RGS6: variants seen among roughly 807,000 people sequenced by gnomAD.
RGS6 encodes regulator of G protein signaling 6, also known as regulator of G-protein signaling 6.
In RGS6, 30 loss-of-function variants were observed where a neutral mutation model predicts 78.5. The observed-to-expected ratio is 0.38, with a 90% confidence interval of 0.29 to 0.52. The LOEUF (loss-of-function observed/expected upper bound fraction) is 0.52, where lower values mean the gene tolerates loss of function less well. RGS6 is among the 20% of genes least tolerant of loss of function. The pLI, the probability that RGS6 is intolerant of heterozygous loss-of-function variation, is 0.85. For synonymous variants in RGS6, 206 were observed against 206.0 expected, an observed-to-expected ratio of 1.00 and a Z score of 0.00; for missense variants, 495 against 609.7, an observed-to-expected ratio of 0.81 and a Z score of 1.98.
intron 13 of RGS6, 55 bp from the exon 14 acceptor site, chr14:72,510,099 C>T: frequency 2.0e-6 from 3 of 1,524,136 alleles, no homozygotes; most frequent in Non-Finnish European, 2.6e-6. Flanking sequence ...GAGAATATGA[C>T]ACGAGCTTTT....
At chr14:72,166,093 G>GACACACACACAC (rs3055029) in intron 2 of RGS6, among the ~76,000 whole-genome samples, 1 of 107,694 alleles carries the variant, frequency 9.3e-6, no homozygotes. Context: ...CCATTTTTGA[G>GACACACACACAC]ACACACACAC....
downstream of RGS6, among the ~76,000 whole-genome samples, chr14:72,568,418 G>A (rs757482666): frequency 1.3e-5 from 2 of 152,144 alleles, no homozygotes; most frequent in South Asian, 2.1e-4. Context: ...CCTGCCAGAC[G>A]GACAACTTCC....
Position 71,979,666 on chromosome 14 carries a change from A to G in RGS6, c.84+14791A>G, listed in dbSNP as rs916112038. Reference sequence around the variant, plus strand: ...ATTTCTGTTCTTTTACATTTGCTGAAGAGAGCTTTACTTCCAAGTATGTGG... The same window carrying G: ...ATTTCTGTTCTTTTACATTTGCTGAGGAGAGCTTTACTTCCAAGTATGTGG... On this transcript the variant is annotated intron_variant, in intron 2 of 17. Coordinates refer to ENST00000553525, the MANE Select transcript of RGS6 (RefSeq NM_001204424.2). Among the ~76,000 whole-genome samples, 8 of 152,258 alleles carry G rather than the reference A, an allele frequency of 5.3e-5. No individual in the cohort carries two copies. In the South Asian group the frequency reaches 8.3e-4, roughly 16 times the overall value.
chr14:72,083,808 A>G (rs2094919798), intron 2 of RGS6, among the ~76,000 whole-genome samples: 1 of 152,184 alleles, frequency 6.6e-6, no homozygotes, highest in Non-Finnish European at 1.5e-5. Context: ...CTGGCAGCCA[A>G]AAGAAATGTT....
intron 3 of RGS6, among the ~76,000 whole-genome samples, chr14:72,436,239 T>C (rs2094908003): frequency 1.3e-5 from 2 of 151,828 alleles, no homozygotes; most frequent in Admixed American, 6.6e-5. Context: ...ACTTCTATCT[T>C]GTTTAAGCTA....
At chr14:72,077,559 T>G (rs1315929996) in intron 2 of RGS6, among the ~76,000 whole-genome samples, 1 of 152,204 alleles carries the variant, frequency 6.6e-6, no homozygotes, top group Non-Finnish European at 1.5e-5. Flanking sequence ...TCACTTTTAA[T>G]ATTTACTAAA....
chr14:72,274,830 C>T (rs1191394672), intron 2 of RGS6, among the ~76,000 whole-genome samples: 1 of 152,236 alleles, frequency 6.6e-6, no homozygotes, highest in Non-Finnish European at 1.5e-5. Flanking sequence ...CCGAGGACTT[C>T]TGACCTCCAA....
At chr14:72,201,086 GT>G (rs950786966) in intron 2 of RGS6, among the ~76,000 whole-genome samples, 39 of 152,278 alleles carry the variant, frequency 2.6e-4, no homozygotes, top group African/African-American at 8.4e-4. Context: ...GTCAGCCACA[GT>G]GAGCTTTCTC....
At chr14:72,473,740 C>T (rs2096156426) in intron 9 of RGS6, 1 of 152,212 alleles carries the variant, frequency 6.6e-6, no homozygotes, top group Non-Finnish European at 1.5e-5. Context: ...GTGGCCACAA[C>T]ATTTTTATCA....
At chr14:72,461,440 G>A (rs2095779251) in intron 6 of RGS6, among the ~76,000 whole-genome samples, 1 of 152,166 alleles carries the variant, frequency 6.6e-6, no homozygotes, top group Non-Finnish European at 1.5e-5. Context: ...ATAATAGTTT[G>A]TTTCAGGCTC....
At chr14:72,298,432 T>C (rs1344110166) in intron 2 of RGS6, among the ~76,000 whole-genome samples, 2 of 68,282 alleles carry the variant, frequency 2.9e-5, no homozygotes, top group South Asian at 4.7e-4. Context: ...ATTAATGTTC[T>C]TTTTTTTTTT....
the RGS6 span, among the ~76,000 whole-genome samples, chr14:71,914,038 G>A: frequency 6.6e-6 from 1 of 152,174 alleles, no homozygotes; most frequent in Non-Finnish European, 1.5e-5. Flanking sequence ...GTACAGGGAA[G>A]TTTATTACGT....
At chr14:72,103,339 G>A (rs183682875) in intron 2 of RGS6, among the ~76,000 whole-genome samples, 7 of 152,224 alleles carry the variant, frequency 4.6e-5, no homozygotes, top group Admixed American at 3.3e-4. Context: ...AAAACCCTCA[G>A]CCCCTTGAAA....
intron 2 of RGS6, among the ~76,000 whole-genome samples, 181 bp downstream of exon 2, chr14:71,965,056 G>A (rs1161788887): frequency 1.3e-5 from 2 of 152,190 alleles, no homozygotes; most frequent in African/African-American, 4.8e-5. Flanking sequence ...TGAGCACTTG[G>A]TATTTAACAC....
intron 17 of RGS6, chr14:72,541,333 G>T (rs2097324248): frequency 2.2e-6 from 3 of 1,337,776 alleles, no homozygotes; most frequent in Non-Finnish European, 3.0e-6. Flanking sequence ...CATTTTAAGT[G>T]CATTTAAACA....
intron 2 of RGS6, among the ~76,000 whole-genome samples, chr14:72,148,351 T>C (rs1230532691): frequency 6.6e-5 from 10 of 152,184 alleles, no homozygotes. Context: ...TAAGCTGGTA[T>C]TGTGCCACTG....
chr14:71,989,789 G>A (rs1029593300), intron 2 of RGS6, among the ~76,000 whole-genome samples: 1 of 152,194 alleles, frequency 6.6e-6, no homozygotes, highest in African/African-American at 2.4e-5. Context: ...CTGACCTCCA[G>A]AGACGAATTT....
chr14:71,872,643 T>G, the RGS6 span, among the ~76,000 whole-genome samples: 1 of 152,154 alleles, frequency 6.6e-6, no homozygotes, highest in Non-Finnish European at 1.5e-5. Context: ...TGAATAATTA[T>G]ACTTCTTTTT....
chr14:72,309,576 C>T (rs1475116778), intron 2 of RGS6, among the ~76,000 whole-genome samples: 2 of 152,196 alleles, frequency 1.3e-5, no homozygotes, highest in African/African-American at 4.8e-5. Context: ...TTTCCTTTAC[C>T]TAATCCTCAG....
Sources: gnomAD v4.1 joint callset for allele counts (sites outside exome capture counted in the v4.1 genomes callset) on GRCh38, gnomAD v4.1.1 for gene constraint, MANE v1.5 for transcripts, NCBI Gene and HGNC (gene_info 2026-07-23, HGNC 2026-07-21) for gene names.